The following IQSEC1 variants were observed in gnomAD, a reference collection of about 807,000 sequenced individuals.
IQSEC1 encodes IQ motif and SEC7 domain-containing protein 1.
In IQSEC1, 31 loss-of-function variants were observed where a neutral mutation model predicts 91.0. That is an observed-to-expected ratio of 0.34 (90% CI 0.26 to 0.46). IQSEC1 has a LOEUF of 0.46. IQSEC1 is among the 20% of genes least tolerant of loss of function. The pLI, the probability that IQSEC1 is intolerant of heterozygous loss-of-function variation, is 1.00. For missense variants in IQSEC1, 1,388 were observed against 1,575.6 expected, an observed-to-expected ratio of 0.88 and a Z score of 2.02; for synonymous variants, 699 against 662.6, an observed-to-expected ratio of 1.05 and a Z score of -0.84.
intron 1 of IQSEC1, among the ~76,000 whole-genome samples, chr3:13,061,819 T>C (rs1483269864): frequency 6.6e-6 from 1 of 152,034 alleles, no homozygotes; most frequent in African/African-American, 2.4e-5. Context: ...ACACACACAT[T>C]TGAATTCCCC....
intron 1 of IQSEC1, among the ~76,000 whole-genome samples, chr3:13,048,974 A>G (rs1704594045): frequency 6.6e-6 from 1 of 152,182 alleles, no homozygotes; most frequent in South Asian, 2.1e-4. Context: ...GCTCATGAAG[A>G]AAAGAAGACA....
At chr3:13,176,880 T>C (rs1693740261) in intron 1 of IQSEC1, among the ~76,000 whole-genome samples, 1 of 152,264 alleles carries the variant, frequency 6.6e-6, no homozygotes, top group African/African-American at 2.4e-5. Context: ...AATGGAATAC[T>C]GTTCACTCAT....
intron 1 of IQSEC1, among the ~76,000 whole-genome samples, chr3:12,949,274 T>C (rs1277392917): frequency 6.6e-6 from 1 of 152,138 alleles, no homozygotes; most frequent in Admixed American, 6.5e-5. Context: ...TGCACAGTTA[T>C]GAGATAAATC....
chr3:13,081,340 C>G (rs1448339236), intron 2 of IQSEC1, among the ~76,000 whole-genome samples: 5 of 152,254 alleles, frequency 3.3e-5, no homozygotes, highest in African/African-American at 7.2e-5. Context: ...ACAATCACAG[C>G]TCACAGAAGC....
chr3:12,986,858 C>T (rs1007918979), intron 1 of IQSEC1: 1 of 273,410 alleles, frequency 3.7e-6, no homozygotes, highest in Non-Finnish European at 7.6e-6. Flanking sequence ...TGTGGCATCT[C>T]CCAGATCTCA....
rs3072719 is a variant in IQSEC1 at position 12,964,299 on chromosome 3, T to TACACACACACACACACACACACACACAC, written c.24-22435_24-22434insGTGTGTGTGTGTGTGTGTGTGTGTGTGT. ...CAACAGCATTTGAGCATACTCCCCC[T>TACACACACACACACACACACACACACAC]ACACACACACACACACACACACACA... is the stretch of plus-strand genomic sequence containing the variant. On this transcript the variant is annotated intron_variant, in intron 1 of 13. Transcript: ENST00000613206. Among the ~76,000 whole-genome samples the TACACACACACACACACACACACACACAC allele has an allele frequency of 2.0e-5, 3 of 149,800 alleles. No homozygotes were observed. The East Asian group carries it at 5.9e-4, about 29-fold the overall frequency.
chr3:13,208,074 T>C (rs78460483), intron 1 of IQSEC1, among the ~76,000 whole-genome samples: 2,096 of 151,410 alleles, frequency 0.014, 41 homozygotes, highest in African/African-American at 0.048. Context: ...ACTTAAAAAT[T>C]TGTAAGTAGA....
chr3:13,054,191 T>A (rs147603487), intron 1 of IQSEC1, among the ~76,000 whole-genome samples: 145 of 152,332 alleles, frequency 9.5e-4, no homozygotes, highest in African/African-American at 3.3e-3. Context: ...ATAGGGTTTC[T>A]ATGCACAGCC....
At chr3:12,929,451 T>G (rs1002978425) in intron 3 of IQSEC1, among the ~76,000 whole-genome samples, 3 of 152,160 alleles carry the variant, frequency 2.0e-5, no homozygotes, top group African/African-American at 7.2e-5. Context: ...AGGTCCCTGG[T>G]GGAGGGAACA....
At chr3:12,987,890 C>T (rs1248570515) in intron 1 of IQSEC1, among the ~76,000 whole-genome samples, 13 of 152,190 alleles carry the variant, frequency 8.5e-5, no homozygotes, top group Non-Finnish European at 1.5e-4. Context: ...AAACCATTAC[C>T]CACCCACCAG....
chr3:13,249,699 A>G (rs965574396), intron 1 of IQSEC1, among the ~76,000 whole-genome samples: 1 of 152,206 alleles, frequency 6.6e-6, no homozygotes, highest in African/African-American at 2.4e-5. Context: ...TCCTCTTCTG[A>G]AAAACGAGGT....
At chr3:13,053,916 C>A (rs895888250) in intron 1 of IQSEC1, among the ~76,000 whole-genome samples, 1 of 152,208 alleles carries the variant, frequency 6.6e-6, no homozygotes, top group African/African-American at 2.4e-5. Context: ...CCTGGGGATA[C>A]CCCAGTGTTA....
chr3:13,021,302 A>G (rs943349990), intron 1 of IQSEC1, among the ~76,000 whole-genome samples: 17 of 152,200 alleles, frequency 1.1e-4, no homozygotes, highest in Admixed American at 9.8e-4. Flanking sequence ...CAGGGGGCCA[A>G]GGAGCTCTGC....
chr3:12,954,873 T>C (rs1699800841), intron 1 of IQSEC1, among the ~76,000 whole-genome samples: 1 of 152,192 alleles, frequency 6.6e-6, no homozygotes, highest in South Asian at 2.1e-4. Flanking sequence ...GCAGTCAGGA[T>C]GGAAAGCCAC....
intron 2 of IQSEC1, among the ~76,000 whole-genome samples, chr3:13,138,837 G>C (rs1419118552): frequency 6.6e-6 from 1 of 151,842 alleles, no homozygotes; most frequent in Non-Finnish European, 1.5e-5. Context: ...CCTGGTCCCA[G>C]CTGGGAAGAA....
At chr3:12,961,403 A>G (rs1289234210) in intron 1 of IQSEC1, among the ~76,000 whole-genome samples, 1 of 152,172 alleles carries the variant, frequency 6.6e-6, no homozygotes, top group Non-Finnish European at 1.5e-5. Context: ...AATTTCCCCA[A>G]TCCACAGGCA....
chr3:13,070,496 C>T (rs1014670441), intron 1 of IQSEC1, among the ~76,000 whole-genome samples: 11 of 152,200 alleles, frequency 7.2e-5, no homozygotes, highest in African/African-American at 2.4e-4. Flanking sequence ...ACAATAAGGT[C>T]TGAGCAGCAG....
chr3:13,086,018 G>T (rs529325230), intron 2 of IQSEC1, among the ~76,000 whole-genome samples: 3 of 152,226 alleles, frequency 2.0e-5, no homozygotes, highest in Admixed American at 6.5e-5. Context: ...AACTTGGGCC[G>T]CCGCAGGGCT....
intron 1 of IQSEC1, among the ~76,000 whole-genome samples, chr3:13,256,228 A>AGT (rs1381180893): frequency 6.6e-6 from 1 of 152,186 alleles, no homozygotes; most frequent in East Asian, 1.9e-4. Flanking sequence ...CTGCACACTG[A>AGT]GTGTCAGGTG....
Sources: gnomAD v4.1 joint callset for allele counts (sites outside exome capture counted in the v4.1 genomes callset) on GRCh38, gnomAD v4.1.1 for gene constraint, MANE v1.5 for transcripts, NCBI Gene and HGNC (gene_info 2026-07-23, HGNC 2026-07-21) for gene names.